The following ATP2A3 variants were observed in gnomAD, a reference collection of about 807,000 sequenced individuals.
The protein encoded by ATP2A3 is ATPase sarcoplasmic/endoplasmic reticulum Ca2+ transporting 3, also known as sarcoplasmic/endoplasmic reticulum calcium ATPase 3.
In ATP2A3, 61 loss-of-function variants were observed where a neutral mutation model predicts 106.8. The ratio of observed to expected loss-of-function variants is 0.57; its 90% CI spans 0.46 to 0.71. ATP2A3 has a LOEUF of 0.71. Ranked by LOEUF, ATP2A3 falls within the 30% of genes least tolerant of loss-of-function variation. The pLI, the probability that ATP2A3 is intolerant of heterozygous loss-of-function variation, is 0.00. For synonymous variants in ATP2A3, 611 were observed against 609.3 expected, an observed-to-expected ratio of 1.00 and a Z score of -0.04; for missense variants, 1,201 against 1,423.5, an observed-to-expected ratio of 0.84 and a Z score of 2.52.
In ATP2A3 at chr17:3,955,886, T is replaced by A. The variant is rs1245612490; in HGVS notation, c.119-2176A>T. ...TCCTTTCTCTTATTTTATTTTATTTTATTTTTTTTTTTTGAGATGGAGTCT... is the reference window on the plus strand; with the variant it reads ...TCCTTTCTCTTATTTTATTTTATTTAATTTTTTTTTTTTGAGATGGAGTCT... On this transcript the variant is annotated intron_variant, in intron 1 of 20. Transcript: ENST00000397041. This position sits in a 1 kb window ranked among gnomAD's most constrained non-coding sequence, Gnocchi z 4.2. 7.0e-6 allele frequency among the ~76,000 whole-genome samples: 1 copy of A among 142,068 alleles called. No homozygotes were observed. Among genetic ancestry groups the A allele is most frequent in the East Asian group, 2.0e-4 (1 of 5,050 alleles). 93.2% of individuals were successfully genotyped at this position (142,068 alleles called of 152,430 possible). A position where few individuals can be genotyped will look rare whatever the true frequency, so the allele number is the denominator to read the frequency against.
chr17:3,950,436 T>C (rs1283444853), intron 7 of ATP2A3, 75 bp downstream of exon 7: 2 of 1,525,012 alleles, frequency 1.3e-6, no homozygotes, highest in Middle Eastern at 3.4e-4. Context: ...AGTGCTGGGA[T>C]TACAGGCGTG....
intron 1 of ATP2A3, among the ~76,000 whole-genome samples, chr17:3,957,433 A>G (rs1490708184): frequency 2.0e-5 from 3 of 152,074 alleles, no homozygotes; most frequent in African/African-American, 7.2e-5. Context: ...TTGGTGTCCC[A>G]TGTCCTGACC....
rs978476679 is a variant in ATP2A3 at position 3,953,810 on chromosome 17, C to T, written c.119-100G>A. On this transcript the variant is annotated intron_variant, in intron 1 of 20. Transcript: ENST00000397041. The surrounding 1 kb of genome is among the most constrained non-coding windows in gnomAD (Gnocchi z 5.1). ...TCTGGCAGTGCCTCCCCACCGTGCCCGCCCAGACCCCCACCACGGACTGGA... is the reference window on the plus strand; with the variant it reads ...TCTGGCAGTGCCTCCCCACCGTGCCTGCCCAGACCCCCACCACGGACTGGA... 1.3e-5 allele frequency: 17 copies of T among 1,289,638 alleles called. No individual in the cohort carries two copies. The highest frequency in any genetic ancestry group is 2.0e-5 in the Admixed American group (1 of 50,606). 79.9% of individuals were successfully genotyped at this position (1,289,638 alleles called of 1,614,324 possible). A position where few individuals can be genotyped will look rare whatever the true frequency, so the allele number is the denominator to read the frequency against.
At position 3,940,038 on chromosome 17, in the gene ATP2A3, TTTTTGTTTTTTG is replaced by T. The variant is rs1314162074; in HGVS notation, c.2100+921_2100+932del. Among the ~76,000 whole-genome samples the T allele has an allele frequency of 4.5e-4, 42 of 92,974 alleles. 5 individuals carry two copies. Among genetic ancestry groups the T allele is most frequent in the African/African-American group, 2.2e-3 (40 of 18,100 alleles). 61.0% of individuals were successfully genotyped at this position (92,974 alleles called of 152,430 possible). ...GATGGTAATGTGTCATATCTTTTTT[TTTTTGTTTTTTG>T]TTTTTTTTTTTTTTGGAGAGATGGG... On this transcript the variant is annotated intron_variant, in intron 14 of 20. Transcript: ENST00000397041.
In ATP2A3 at chr17:3,953,460, C is replaced by T. The variant is rs1485883579; in HGVS notation, c.137-31G>A. The stretch of plus-strand genomic sequence containing the variant: ...AACGGGGGTCATGTGTGAGGCTGGG[C>T]CCCCACCACTGACCCTGCCCACTCA... On this transcript the variant is annotated intron_variant, in intron 2 of 20. Coordinates refer to ENST00000397041, the MANE Select transcript of ATP2A3 (RefSeq NM_005173.4). The surrounding 1 kb of genome is among the most constrained non-coding windows in gnomAD (Gnocchi z 5.1). 2.5e-6 allele frequency: 4 copies of T among 1,606,188 alleles called. No homozygotes were observed. In the South Asian group the frequency reaches 3.3e-5, roughly 13 times the overall value.
chr17:3,930,515 C>A lies in ATP2A3; in HGVS notation c.2611-81G>T. 1 of 1,590,144 alleles carries A rather than the reference C, an allele frequency of 6.3e-7. No homozygotes were observed. Among genetic ancestry groups the A allele is most frequent in the Non-Finnish European group, 8.5e-7 (1 of 1,169,724 alleles). On this transcript the variant is annotated intron_variant, in intron 17 of 20. Transcript: ENST00000397041. This position sits in a 1 kb window ranked among gnomAD's most constrained non-coding sequence, Gnocchi z 5.4. ...GTGGGAGGAGGGAAGCCTCATCCTG[C>A]CCTTGGCCCACGCCTGGGCACAACC...
At position 3,928,801 on chromosome 17, in the gene ATP2A3, G is replaced by C; in HGVS notation, c.2863-21C>G. 1.3e-6 allele frequency: 2 copies of C among 1,542,692 alleles called. No individual in the cohort carries two copies. The highest frequency in any genetic ancestry group is 1.2e-5 in the South Asian group (1 of 84,026). Reference sequence around the variant, plus strand: ...ATGAGCTGGCGGGGAGGGGAAGGGAGGTTTGGTTAAAGGAAGGACTGGCTG... The same window carrying C: ...ATGAGCTGGCGGGGAGGGGAAGGGACGTTTGGTTAAAGGAAGGACTGGCTG... On this transcript the variant is annotated intron_variant, in intron 19 of 20. Transcript: ENST00000397041. This position sits in a 1 kb window ranked among gnomAD's most constrained non-coding sequence, Gnocchi z 6.1.
At chr17:3,957,777 G>C (rs1351598958) in intron 1 of ATP2A3, among the ~76,000 whole-genome samples, 1 of 152,222 alleles carries the variant, frequency 6.6e-6, no homozygotes, top group Non-Finnish European at 1.5e-5. Flanking sequence ...GCGGCCTTGG[G>C]CCTCTGGCAG....
intron 1 of ATP2A3, among the ~76,000 whole-genome samples, chr17:3,958,651 C>A (rs1028711012): frequency 1.3e-5 from 2 of 151,100 alleles, no homozygotes; most frequent in African/African-American, 4.9e-5. Flanking sequence ...TTATGGGGTC[C>A]AGCGTGATGT....
Position 3,950,606 on chromosome 17 carries a change from G to A in ATP2A3, c.545-10C>T, listed in dbSNP as rs749811939. 2 of 1,614,014 alleles carry A rather than the reference G, an allele frequency of 1.2e-6. No individual in the cohort carries two copies. The highest frequency in any genetic ancestry group is 1.3e-5 in the African/African-American group (1 of 74,916). ...ACGGACACAGATTCACCTGGTCAGGGAATCAGAGATGAGAAGCCCCACATG... is the reference window on the plus strand; with the variant it reads ...ACGGACACAGATTCACCTGGTCAGGAAATCAGAGATGAGAAGCCCCACATG... On this transcript the variant is annotated splice_polypyrimidine_tract_variant and intron_variant, in intron 6 of 20. Coordinates refer to ENST00000397041, the MANE Select transcript of ATP2A3 (RefSeq NM_005173.4).
At chr17:3,927,822 C>T (rs1933254629) in intron 20 of ATP2A3, 11 of 985,406 alleles carry the variant, frequency 1.1e-5, no homozygotes, top group Non-Finnish European at 1.3e-5. Flanking sequence ...AGTCCCTCCA[C>T]CCACTCCCCT....
intron 14 of ATP2A3, among the ~76,000 whole-genome samples, chr17:3,940,158 G>A (rs977517926): frequency 1.3e-5 from 2 of 149,178 alleles, no homozygotes; most frequent in East Asian, 3.9e-4. Flanking sequence ...ACCATGCCTG[G>A]CATTTTCCTA....
rs35586043 is a variant in ATP2A3, at chr17:3,929,687, A to G, written c.2745-242T>C. On this transcript the variant is annotated intron_variant, in intron 18 of 20. Transcript: ENST00000397041. This position sits in a 1 kb window ranked among gnomAD's most constrained non-coding sequence, Gnocchi z 4.3. ...CTGGGCCCCAATTCCGGTCCCCATG[A>G]ACTCTCAGAATCCTCTCTGGGCCCC... Among the ~76,000 whole-genome samples the G allele has an allele frequency of 0.22, 34,140 of 151,984 alleles. 5,580 individuals carry two copies. Among genetic ancestry groups the G allele is most frequent in the African/African-American group, 0.46 (19,092 of 41,398 alleles).
In ATP2A3 at chr17:3,951,668, C is replaced by T. The variant is rs775424050; in HGVS notation, c.237G>A (p.Glu79=). The change falls in exon 4 of 21, where the codon GAG becomes GAA. Residue 79 remains glutamate, a synonymous_variant. Coordinates refer to ENST00000397041, the MANE Select transcript of ATP2A3 (RefSeq NM_005173.4). ...ALVSFVLAWF[E]EGEETTTAFV... is the part of the protein sequence containing the mutation. Reference sequence around the variant, plus strand: ...AGGCGGTCGTGGTCTCCTCGCCCTCCTCGAACCAGGCCAGGACCTGCAGGA... The same window carrying T: ...AGGCGGTCGTGGTCTCCTCGCCCTCTTCGAACCAGGCCAGGACCTGCAGGA... The T allele has an allele frequency of 5.6e-6, 9 of 1,610,080 alleles. No individual in the cohort carries two copies. In the African/African-American group the frequency reaches 6.7e-5, roughly 12 times the overall value.
At chr17:3,944,058 C>T (rs1374799358) in intron 10 of ATP2A3, among the ~76,000 whole-genome samples, 1 of 152,158 alleles carries the variant, frequency 6.6e-6, no homozygotes, top group Non-Finnish European at 1.5e-5. Context: ...TGTCTCTGAC[C>T]CATACCTTCT....
chr17:3,933,973 G>A (rs763210809), intron 17 of ATP2A3, among the ~76,000 whole-genome samples: 5 of 150,608 alleles, frequency 3.3e-5, no homozygotes, highest in Non-Finnish European at 7.4e-5. Flanking sequence ...TCCCAGGCTC[G>A]AGTGCAGTGG....
chr17:3,927,901 C>A, intron 20 of ATP2A3: 1 of 1,597,966 alleles, frequency 6.3e-7, no homozygotes, highest in South Asian at 1.1e-5. Context: ...AGCCACTGCC[C>A]AGCCCAACCT....
At position 3,928,553 on chromosome 17, in the gene ATP2A3, G is replaced by C. The variant is rs73328991; in HGVS notation, c.2980+110C>G. On this transcript the variant is annotated intron_variant, in intron 20 of 20. Transcript: ENST00000397041. This position sits in a 1 kb window ranked among gnomAD's most constrained non-coding sequence, Gnocchi z 6.1. ...CTTGGTGATCCGAGAACGCCTCCCC[G>C]ATGTGCAGACAGAGAGGCTCTGCGC... The C allele has an allele frequency of 0.016, 18,031 of 1,101,136 alleles. 1,956 individuals are homozygous for C. The African/African-American group carries it at 0.25, about 15-fold the overall frequency. 68.2% of individuals were successfully genotyped at this position (1,101,136 alleles called of 1,614,324 possible). A position where few individuals can be genotyped will look rare whatever the true frequency, so the allele number is the denominator to read the frequency against.
At chr17:3,935,087 G>A (rs2144348841) in intron 17 of ATP2A3, 105 bp downstream of exon 17, 2 of 1,185,612 alleles carry the variant, frequency 1.7e-6, no homozygotes, top group African/African-American at 3.0e-5. Flanking sequence ...TAGCGAGTGG[G>A]GAAGGACACT....
Sources: allele counts gnomAD v4.1 joint callset (sites outside exome capture counted in the v4.1 genomes callset), GRCh38; gene constraint gnomAD v4.1.1; non-coding constraint Gnocchi (gnomAD v3.1); transcripts MANE v1.5; gene names NCBI Gene and HGNC (gene_info 2026-07-23, HGNC 2026-07-21).